WNT2: variants seen among roughly 807,000 people sequenced by gnomAD.
WNT2 encodes protein Wnt-2.
A neutral mutation model predicts 36.9 loss-of-function variants in WNT2; 12 were observed. The observed-to-expected ratio is 0.33, with a 90% CI of 0.21 to 0.53. WNT2 has a LOEUF of 0.53. WNT2 is among the 20% of genes least tolerant of loss of function. WNT2 has a pLI of 0.95. For synonymous variants in WNT2, 163 were observed against 174.6 expected (o/e 0.93, Z 0.52); for missense variants, 379 against 473.1 (o/e 0.80, Z 1.84).
chr7:117,297,538 A>G (rs1327438790), intron 4 of WNT2, 74 bp downstream of exon 4: 5 of 1,516,458 alleles, frequency 3.3e-6, no homozygotes, highest in Non-Finnish European at 3.6e-6. Flanking sequence ...CTGAAAATAC[A>G]GAACCTCATT....
At chr7:117,297,448 G>A (rs968429946) in intron 4 of WNT2, among the ~76,000 whole-genome samples, 164 bp downstream of exon 4, 9 of 152,102 alleles carry the variant, frequency 5.9e-5, no homozygotes, top group African/African-American at 1.7e-4. Flanking sequence ...GGGATTACAG[G>A]CATGAGCCAC....
At chr7:117,321,291 C>T (rs1044205624) in intron 1 of WNT2, among the ~76,000 whole-genome samples, 1 of 152,220 alleles carries the variant, frequency 6.6e-6, no homozygotes, top group Non-Finnish European at 1.5e-5. Flanking sequence ...TCAACACCCG[C>T]TGGTATCTGA....
chr7:117,318,121 C>A (rs916796956), intron 2 of WNT2, among the ~76,000 whole-genome samples: 1 of 152,182 alleles, frequency 6.6e-6, no homozygotes, highest in Non-Finnish European at 1.5e-5. Flanking sequence ...TTCTCCATTT[C>A]TCTATGACCA....
intron 3 of WNT2, 119 bp downstream of exon 3, chr7:117,314,952 A>G: frequency 7.1e-7 from 1 of 1,410,018 alleles, no homozygotes; most frequent in Non-Finnish European, 9.6e-7. Context: ...GCTGGGGGAC[A>G]GTAGGAAGTT....
intron 4 of WNT2, among the ~76,000 whole-genome samples, chr7:117,295,545 C>T (rs1794774552): frequency 6.6e-6 from 1 of 152,202 alleles, no homozygotes; most frequent in Non-Finnish European, 1.5e-5. Context: ...CCTGTTATAC[C>T]TAAGGCAGTA....
At chr7:117,299,180 A>G (rs147727739) in intron 3 of WNT2, among the ~76,000 whole-genome samples, 178 of 152,220 alleles carry the variant, frequency 1.2e-3, no homozygotes, top group African/African-American at 4.1e-3. Flanking sequence ...CCATCTTTAT[A>G]TTATGAGTGT....
In WNT2 at chr7:117,275,624, A is replaced by G. The variant is rs1794345141; in HGVS notation, c.*2531T>C. ...CATATATTCCCCTTAAAAGCCTCAG[A>G]TAATTGAGAGTTTCAGTGTATTTCA... On this transcript the variant is annotated 3_prime_UTR_variant, in exon 5 of 5. Transcript: ENST00000265441. Among the ~76,000 whole-genome samples, 1 of 152,214 alleles carries G rather than the reference A, an allele frequency of 6.6e-6. No individual in the cohort carries two copies. Among genetic ancestry groups the G allele is most frequent in the Non-Finnish European group, 1.5e-5 (1 of 68,030 alleles).
chr7:117,296,297 C>T (rs554997545), intron 4 of WNT2, among the ~76,000 whole-genome samples: 25 of 152,302 alleles, frequency 1.6e-4, no homozygotes, highest in African/African-American at 4.6e-4. Context: ...AATCCCTGGG[C>T]TGCATGTAGC....
chr7:117,292,925 C>T (rs146233630), intron 4 of WNT2, among the ~76,000 whole-genome samples: 177 of 152,220 alleles, frequency 1.2e-3, no homozygotes, highest in African/African-American at 4.1e-3. Context: ...AATTAGGAAT[C>T]ATACACTGCC....
chr7:117,289,441 A>G (rs934161441), intron 4 of WNT2, among the ~76,000 whole-genome samples: 3 of 152,308 alleles, frequency 2.0e-5, no homozygotes, highest in South Asian at 2.1e-4. Flanking sequence ...GCGCCTGAAT[A>G]TGAGGAAAAA....
At position 117,323,004 on chromosome 7, in the gene WNT2, G is replaced by T. The variant is rs1795359053; in HGVS notation, c.-15C>A. The T allele has an allele frequency of 6.2e-7, 1 of 1,606,580 alleles. No individual in the cohort carries two copies. Among genetic ancestry groups the T allele is most frequent in the Non-Finnish European group, 8.5e-7 (1 of 1,176,810 alleles). On this transcript the variant is annotated 5_prime_UTR_variant, in exon 1 of 5. Transcript: ENST00000265441. ...GGGGCGTTCATATTAACCCCCTTGC[G>T]TCTGCATCAGGTCAGACTCCGTGTG...
intron 4 of WNT2, among the ~76,000 whole-genome samples, chr7:117,290,289 T>C (rs1045738423): frequency 1.3e-5 from 2 of 151,950 alleles, no homozygotes; most frequent in African/African-American, 4.8e-5. Context: ...GCAACTGAAA[T>C]CAGAAAGGAC....
At chr7:117,305,455 C>T (rs1794997960) in intron 3 of WNT2, among the ~76,000 whole-genome samples, 1 of 152,124 alleles carries the variant, frequency 6.6e-6, no homozygotes, top group South Asian at 2.1e-4. Flanking sequence ...TGAATTACTG[C>T]ATTTTCTCCT....
rs139479593 is a variant in WNT2 at position 117,289,415 on chromosome 7, T to A, written c.853+8197A>T. Among the ~76,000 whole-genome samples, 425 of 152,244 alleles carry A rather than the reference T, an allele frequency of 2.8e-3. 3 individuals carry two copies. The highest frequency in any genetic ancestry group is 9.6e-3 in the African/African-American group (397 of 41,536). On this transcript the variant is annotated intron_variant, in intron 4 of 4. Transcript: ENST00000265441. ...CAGGCAAGCAACATCTGAAACTCCA[T>A]AAATGCCTCATGAATGCGCCTGAAT... is the stretch of plus-strand genomic sequence containing the variant.
At chr7:117,320,885 T>G in intron 1 of WNT2, 92 bp from the exon 2 acceptor site, 1 of 1,087,974 alleles carries the variant, frequency 9.2e-7, no homozygotes, top group Admixed American at 2.1e-5. Flanking sequence ...TCAAAGCACT[T>G]TTCAAATATG....
At chr7:117,282,821 A>G (rs147800072) in intron 4 of WNT2, among the ~76,000 whole-genome samples, 1 of 152,284 alleles carries the variant, frequency 6.6e-6, no homozygotes, top group East Asian at 1.9e-4. Flanking sequence ...TGAGGACAAG[A>G]AGACAAGTTA....
chr7:117,302,465 C>G (rs1333271634), intron 3 of WNT2, among the ~76,000 whole-genome samples: 1 of 151,988 alleles, frequency 6.6e-6, no homozygotes, highest in African/African-American at 2.4e-5. Flanking sequence ...TTTAACAAAC[C>G]ATTGGTGGGG....
intron 3 of WNT2, among the ~76,000 whole-genome samples, chr7:117,307,019 G>A (rs936372828): frequency 6.6e-6 from 1 of 151,718 alleles, no homozygotes; most frequent in East Asian, 1.9e-4. Context: ...ACCTGCAGAG[G>A]CTATTTTCTA....
At chr7:117,278,500 C>T (rs1043488356) in intron 4 of WNT2, 116 bp from the exon 5 acceptor site, 3 of 995,582 alleles carry the variant, frequency 3.0e-6, no homozygotes, top group African/African-American at 1.6e-5. Context: ...TCTCTTCCTA[C>T]AGCCTGGGGC....
Sources: allele counts gnomAD v4.1 joint callset (sites outside exome capture counted in the v4.1 genomes callset), GRCh38; gene constraint gnomAD v4.1.1; transcripts MANE v1.5; gene names NCBI Gene and HGNC (gene_info 2026-07-23, HGNC 2026-07-21).